The following KCNN2 variants were observed in gnomAD, a reference collection of about 807,000 sequenced individuals.
KCNN2 encodes small conductance calcium-activated potassium channel protein 2.
In KCNN2, 24 loss-of-function variants were observed where a neutral mutation model predicts 55.5. That is an observed-to-expected ratio of 0.43 (90% CI 0.31 to 0.61). The LOEUF is 0.61. Among genes scored for constraint, KCNN2 ranks in the 20% least tolerant of loss-of-function variants. KCNN2 has a pLI of 0.08. For synonymous variants in KCNN2, 431 were observed against 336.1 expected (o/e 1.28, Z -3.09); for missense variants, 754 against 853.6 (o/e 0.88, Z 1.45).
At chr5:114,494,825 C>T (rs1748034032) in intron 7 of KCNN2, among the ~76,000 whole-genome samples, 1 of 152,142 alleles carries the variant, frequency 6.6e-6, no homozygotes, top group South Asian at 2.1e-4. Flanking sequence ...TCTGGTCAAA[C>T]TGAAACAAGG....
At chr5:114,072,291 T>TGA (rs1197236904) in intron 1 of KCNN2, among the ~76,000 whole-genome samples, 2 of 141,908 alleles carry the variant, frequency 1.4e-5, no homozygotes, top group Admixed American at 7.0e-5. Context: ...AAACTCCATC[T>TGA]AAAAAAAAAA....
intron 2 of KCNN2, among the ~76,000 whole-genome samples, chr5:114,260,832 G>A (rs889744613): frequency 6.6e-6 from 1 of 152,160 alleles, no homozygotes; most frequent in Non-Finnish European, 1.5e-5. Context: ...TGTAAAATGG[G>A]CAGTGCTCCC....
chr5:114,072,667 A>G (rs753785574), intron 1 of KCNN2, among the ~76,000 whole-genome samples: 1 of 152,188 alleles, frequency 6.6e-6, no homozygotes, highest in Non-Finnish European at 1.5e-5. Flanking sequence ...GTGAGGTAGA[A>G]TGCACAGTGA....
chr5:114,298,984 T>A (rs1241951627), intron 2 of KCNN2, among the ~76,000 whole-genome samples: 1 of 152,182 alleles, frequency 6.6e-6, no homozygotes, highest in African/African-American at 2.4e-5. Context: ...TAAACCTGAA[T>A]AACAAATAGA....
chr5:114,348,750 C>G (rs1377357417), intron 2 of KCNN2, among the ~76,000 whole-genome samples: 1 of 152,078 alleles, frequency 6.6e-6, no homozygotes, highest in Admixed American at 6.6e-5. Flanking sequence ...AGATGATAGT[C>G]ACTTATGCCA....
At chr5:114,402,548 A>G (rs1325761158) in intron 2 of KCNN2, among the ~76,000 whole-genome samples, 1 of 152,136 alleles carries the variant, frequency 6.6e-6, no homozygotes, top group Admixed American at 6.6e-5. Flanking sequence ...CTTTAGACAC[A>G]TGAAGCAAAA....
At chr5:114,199,389 TAAGTG>T (rs1449744026) in intron 1 of KCNN2, among the ~76,000 whole-genome samples, 3 of 152,100 alleles carry the variant, frequency 2.0e-5, no homozygotes, top group Non-Finnish European at 2.9e-5. Context: ...CTGTATCTTT[TAAGTG>T]AAGCATTTAA....
intron 2 of KCNN2, among the ~76,000 whole-genome samples, chr5:114,352,438 C>G (rs1757223753): frequency 6.6e-6 from 1 of 151,576 alleles, no homozygotes; most frequent in South Asian, 2.1e-4. Context: ...CCACTCTAGT[C>G]TTCATGATTC....
intron 3 of KCNN2, among the ~76,000 whole-genome samples, chr5:114,452,626 T>G (rs540161800): frequency 1.3e-3 from 205 of 152,256 alleles, no homozygotes; most frequent in African/African-American, 4.6e-3. Context: ...CTGGGGAGCT[T>G]TTAAAAAATC....
intron 2 of KCNN2, among the ~76,000 whole-genome samples, chr5:114,224,818 T>G (rs1157226472): frequency 6.6e-6 from 1 of 152,166 alleles, no homozygotes; most frequent in African/African-American, 2.4e-5. Context: ...TGAGTCCTGA[T>G]GAGTTAGCTC....
chr5:114,476,320 T>TACTACTTTTTAAAAGTAGA lies in KCNN2; in HGVS notation c.1890+3165_1890+3183dup, dbSNP rs553237572. On this transcript the variant is annotated intron_variant, in intron 5 of 7. Transcript: ENST00000673685. ...CAGCCATAAAAAATGATGAGTTCATTACTACTTTTTAAAAGTAGAACTACT... is the reference window on the plus strand; with the variant it reads ...CAGCCATAAAAAATGATGAGTTCATTACTACTTTTTAAAAGTAGAACTACTTTTTAAAAGTAGAACTACT... 2.6e-4 allele frequency among the ~76,000 whole-genome samples: 39 copies of TACTACTTTTTAAAAGTAGA among 152,054 alleles called. No individual in the cohort carries two copies. The South Asian group carries it at 8.1e-3, about 32-fold the overall frequency.
In KCNN2 at chr5:114,231,452, G is replaced by A. The variant is rs1041607829; in HGVS notation, c.-185+9887G>A. 4.0e-5 allele frequency among the ~76,000 whole-genome samples: 6 copies of A among 148,492 alleles called. 1 individual carries two copies. The highest frequency in any genetic ancestry group is 1.0e-4 in the African/African-American group (4 of 38,884). On this transcript the variant is annotated intron_variant, in intron 2 of 10. Transcript: ENST00000512097. Reference sequence around the variant, plus strand: ...TTAAGTCTTTAATCCATCTTGAATTGATTTTTGTATAAGGTGTAAGGAAGG... The same window carrying A: ...TTAAGTCTTTAATCCATCTTGAATTAATTTTTGTATAAGGTGTAAGGAAGG...
chr5:114,438,347 G>A (rs1223820414), intron 3 of KCNN2, among the ~76,000 whole-genome samples: 1 of 152,224 alleles, frequency 6.6e-6, no homozygotes, highest in East Asian at 1.9e-4. Context: ...TGACTAGATG[G>A]AATTTTGGCT....
rs185991036 is a variant in KCNN2 at position 114,401,304 on chromosome 5, G to T, written c.1219-3134G>T. Reference sequence around the variant, plus strand: ...AAGTTACCAAAGAGGAAAGTTATCTGGACTCTATGGAACTGCAAAATTATG... The same window carrying T: ...AAGTTACCAAAGAGGAAAGTTATCTTGACTCTATGGAACTGCAAAATTATG... On this transcript the variant is annotated intron_variant, in intron 2 of 7. Coordinates refer to ENST00000673685, the MANE Select transcript of KCNN2 (RefSeq NM_021614.4). 2.6e-3 allele frequency among the ~76,000 whole-genome samples: 401 copies of T among 152,176 alleles called. 2 individuals are homozygous for T. The highest frequency in any genetic ancestry group is 8.9e-3 in the African/African-American group (368 of 41,516).
chr5:114,358,403 C>T (rs1757338242), upstream of KCNN2, among the ~76,000 whole-genome samples: 1 of 151,966 alleles, frequency 6.6e-6, no homozygotes. Context: ...TGTTCACAAG[C>T]TTGAAATTCA....
intron 2 of KCNN2, among the ~76,000 whole-genome samples, chr5:114,370,795 C>G (rs937842984): frequency 5.3e-5 from 8 of 151,956 alleles, no homozygotes; most frequent in African/African-American, 1.9e-4. Flanking sequence ...GACTTGAGAC[C>G]ATTGTAAGGA....
chr5:114,260,421 T>C (rs1417551772), intron 2 of KCNN2, among the ~76,000 whole-genome samples: 2 of 152,234 alleles, frequency 1.3e-5, no homozygotes, highest in African/African-American at 2.4e-5. Context: ...TCTAGACTTT[T>C]TCATATTTTT....
intron 2 of KCNN2, among the ~76,000 whole-genome samples, chr5:114,226,196 G>T (rs949386777): frequency 1.1e-4 from 16 of 152,132 alleles, no homozygotes; most frequent in African/African-American, 3.4e-4. Flanking sequence ...TAGATTAAAT[G>T]TTCTTAAAAT....
chr5:114,295,384 T>C (rs1338127120), intron 2 of KCNN2, among the ~76,000 whole-genome samples: 2 of 152,176 alleles, frequency 1.3e-5, no homozygotes, highest in Non-Finnish European at 2.9e-5. Flanking sequence ...TTTGTTTACC[T>C]CATCGAGCCT....
Sources: allele counts gnomAD v4.1 joint callset (sites outside exome capture counted in the v4.1 genomes callset), GRCh38; gene constraint gnomAD v4.1.1; transcripts MANE v1.5; gene names NCBI Gene and HGNC (gene_info 2026-07-23, HGNC 2026-07-21).